Variants in TTC7B observed in about 807,000 individuals in gnomAD.
The protein encoded by TTC7B is tetratricopeptide repeat protein 7B.
TTC7B carries 28 observed loss-of-function variants against 106.8 expected under a neutral mutation model. The observed-to-expected ratio is 0.26, with a 90% CI of 0.19 to 0.36. The LOEUF (loss-of-function observed/expected upper bound fraction) is 0.36. Ranked by LOEUF, TTC7B falls within the 10% of genes least tolerant of loss-of-function variation. TTC7B has a pLI of 1.00. For synonymous variants in TTC7B, 405 were observed against 430.6 expected (o/e 0.94, Z 0.74); for missense variants, 862 against 1,076.4 (o/e 0.80, Z 2.79).
At chr14:90,553,197 C>T (rs1890161479) in intron 19 of TTC7B, among the ~76,000 whole-genome samples, 1 of 152,208 alleles carries the variant, frequency 6.6e-6, no homozygotes, top group Non-Finnish European at 1.5e-5. Context: ...GGTGCAGCAC[C>T]TCTGCTCACC....
intron 15 of TTC7B, among the ~76,000 whole-genome samples, chr14:90,626,066 C>A (rs147547040): frequency 8.4e-4 from 128 of 152,260 alleles, no homozygotes; most frequent in African/African-American, 2.9e-3. Flanking sequence ...CTGCATGTAA[C>A]CAGATCACAA....
At chr14:90,697,806 A>G (rs1023286997) in intron 5 of TTC7B, 2 of 152,282 alleles carry the variant, frequency 1.3e-5, no homozygotes, top group Non-Finnish European at 2.9e-5. Context: ...GAAGGAGGCC[A>G]GGCAGGATGA....
intron 17 of TTC7B, among the ~76,000 whole-genome samples, chr14:90,607,075 A>G (rs1238220200): frequency 6.6e-6 from 1 of 152,234 alleles, no homozygotes; most frequent in Non-Finnish European, 1.5e-5. Context: ...GAGAGATCGA[A>G]TGAGAATGCT....
intron 7 of TTC7B, among the ~76,000 whole-genome samples, chr14:90,685,757 T>G (rs1887229561): frequency 6.6e-6 from 1 of 152,086 alleles, no homozygotes; most frequent in African/African-American, 2.4e-5. Context: ...AGCAGACACA[T>G]TTCTAGAAAG....
At chr14:90,798,709 CAA>C (rs36223089) in intron 1 of TTC7B, among the ~76,000 whole-genome samples, 3,250 of 51,862 alleles carry the variant, frequency 0.063, 37 homozygotes, top group Non-Finnish European at 0.088. Flanking sequence ...GACTCCATCT[CAA>C]AAAAAAAAAA....
At chr14:90,554,434 G>A (rs534001361) in intron 19 of TTC7B, among the ~76,000 whole-genome samples, 44 of 152,338 alleles carry the variant, frequency 2.9e-4, no homozygotes, top group African/African-American at 8.4e-4. Flanking sequence ...GGTTCCGGGG[G>A]TGGGGCTTTG....
At chr14:90,615,435 C>A (rs1354687435) in intron 16 of TTC7B, among the ~76,000 whole-genome samples, 1 of 152,210 alleles carries the variant, frequency 6.6e-6, no homozygotes, top group Non-Finnish European at 1.5e-5. Context: ...TCAGCACAGA[C>A]CAGCTCCGGG....
intron 19 of TTC7B, among the ~76,000 whole-genome samples, chr14:90,545,280 G>T (rs1209942704): frequency 6.6e-6 from 1 of 152,196 alleles, no homozygotes; most frequent in Non-Finnish European, 1.5e-5. Context: ...GGGCACTCAG[G>T]CAATAACCCA....
Position 90,570,056 on chromosome 14 carries a change from C to T in TTC7B, c.2310+8050G>A, listed in dbSNP as rs1246367257. 1 of 152,272 alleles carries T rather than the reference C, an allele frequency of 6.6e-6. No homozygotes were observed. Among genetic ancestry groups the T allele is most frequent in the Non-Finnish European group, 1.5e-5 (1 of 68,092 alleles). The allele number at this position is 152,272 out of a possible 1,614,324, so 9.4% of individuals were successfully genotyped here. On this transcript the variant is annotated intron_variant, in intron 19 of 19. Coordinates refer to ENST00000328459, the MANE Select transcript of TTC7B (RefSeq NM_001010854.2). This position sits in a 1 kb window ranked among gnomAD's most constrained non-coding sequence, Gnocchi z 4.0. ...TCCCTCCACCAAGGGCCCTCAAGCACAGGCTCTCCTCCAGCCTTTTCCCAT... is the reference window on the plus strand; with the variant it reads ...TCCCTCCACCAAGGGCCCTCAAGCATAGGCTCTCCTCCAGCCTTTTCCCAT...
At position 90,811,896 on chromosome 14, in the gene TTC7B, G is replaced by A. The variant is rs1299268216; in HGVS notation, c.121+4279C>T. Among the ~76,000 whole-genome samples the A allele has an allele frequency of 2.6e-5, 4 of 152,376 alleles. No individual in the cohort carries two copies. In the East Asian group the frequency reaches 7.7e-4, roughly 29 times the overall value. ...AAGGGAGCAGCCGTCCGTCAGGACA[G>A]TCGCAGACCTCCAATGTGCCTGTTT... On this transcript the variant is annotated intron_variant, in intron 1 of 19. Coordinates refer to ENST00000328459, the MANE Select transcript of TTC7B (RefSeq NM_001010854.2).
At chr14:90,597,663 A>C (rs1465229398) in intron 17 of TTC7B, among the ~76,000 whole-genome samples, 1 of 152,110 alleles carries the variant, frequency 6.6e-6, no homozygotes, top group East Asian at 1.9e-4. Context: ...CATCTAAAAA[A>C]AAAAACAAAA....
intron 3 of TTC7B, among the ~76,000 whole-genome samples, chr14:90,756,384 G>GTTTTTTTTTTTTTTTTTT (rs369068692): frequency 3.9e-5 from 5 of 126,776 alleles, no homozygotes; most frequent in Non-Finnish European, 7.8e-5. Context: ...TTTTTTTTTT[G>GTTTTTTTTTTTTTTTTTT]TTTTTTTTTT....
intron 17 of TTC7B, among the ~76,000 whole-genome samples, chr14:90,601,662 C>A (rs147288004): frequency 1.8e-3 from 281 of 152,246 alleles, no homozygotes; most frequent in Non-Finnish European, 3.3e-3. Context: ...GGGGAGCGCC[C>A]CGGGTCCTCT....
At chr14:90,555,449 T>C (rs1488529898) in intron 19 of TTC7B, among the ~76,000 whole-genome samples, 1 of 152,156 alleles carries the variant, frequency 6.6e-6, no homozygotes, top group Non-Finnish European at 1.5e-5. Flanking sequence ...CTGGGTGACC[T>C]GAAGAATGGC....
At position 90,561,273 on chromosome 14, in the gene TTC7B, C is replaced by CATG. The variant is rs549328355; in HGVS notation, c.2310+16832_2310+16833insCAT. Reference sequence around the variant, plus strand: ...CTTCACTCAGAAGGTCACTGGCCAGCATTCAACTGGATCTAATCAAGACTG... The same window carrying CATG: ...CTTCACTCAGAAGGTCACTGGCCAGCATGATTCAACTGGATCTAATCAAGACTG... On this transcript the variant is annotated intron_variant, in intron 19 of 19. Coordinates refer to ENST00000328459, the MANE Select transcript of TTC7B (RefSeq NM_001010854.2). 7.2e-5 allele frequency among the ~76,000 whole-genome samples: 11 copies of CATG among 152,328 alleles called. 1 individual carries two copies. The South Asian group carries it at 2.3e-3, about 32-fold the overall frequency.
intron 2 of TTC7B, among the ~76,000 whole-genome samples, chr14:90,785,237 C>T (rs561185229): frequency 1.4e-3 from 219 of 152,230 alleles, no homozygotes; most frequent in African/African-American, 5.1e-3. Flanking sequence ...AGCATGGCTT[C>T]CCGGGGGGAA....
intron 15 of TTC7B, among the ~76,000 whole-genome samples, chr14:90,633,803 G>C (rs983416870): frequency 2.6e-5 from 4 of 152,024 alleles, no homozygotes; most frequent in Admixed American, 6.5e-5. Flanking sequence ...AAATTTAATA[G>C]ATAGTGAAAC....
chr14:90,597,386 G>A (rs1364215391), intron 17 of TTC7B, among the ~76,000 whole-genome samples: 7 of 152,144 alleles, frequency 4.6e-5, no homozygotes, highest in East Asian at 1.9e-4. Context: ...GGCCAGGCGC[G>A]GTGGCTCATG....
intron 1 of TTC7B, among the ~76,000 whole-genome samples, chr14:90,813,733 G>C (rs544258175): frequency 2.0e-4 from 30 of 150,962 alleles, no homozygotes; most frequent in African/African-American, 7.3e-4. Context: ...TGACAAACGT[G>C]ACATTCACTT....
Sources: gnomAD v4.1 joint callset for allele counts (sites outside exome capture counted in the v4.1 genomes callset) on GRCh38, gnomAD v4.1.1 for gene constraint, Gnocchi (gnomAD v3.1) non-coding constraint, MANE v1.5 for transcripts, NCBI Gene and HGNC (gene_info 2026-07-23, HGNC 2026-07-21) for gene names.